TRPA1: variants seen among roughly 807,000 people sequenced by gnomAD.
TRPA1 encodes transient receptor potential cation channel subfamily A member 1.
TRPA1 carries 129 observed loss-of-function variants against 131.3 expected under a neutral mutation model. The ratio of observed to expected loss-of-function variants is 0.98; its 90% CI spans 0.85 to 1.14. The LOEUF is 1.14. TRPA1 is among the 50% of genes most tolerant of loss of function. The pLI is 0.00. For synonymous variants in TRPA1, 441 were observed against 451.7 expected (o/e 0.98, Z 0.30); for missense variants, 1,304 against 1,354.2 (o/e 0.96, Z 0.58).
rs769946735 is a variant in TRPA1, at chr8:72,023,005, A to G, written c.3261T>C (p.Phe1087=). The G allele has an allele frequency of 6.2e-7, 1 of 1,613,906 alleles. No homozygotes were observed. Among genetic ancestry groups the G allele is most frequent in the East Asian group, 2.2e-5 (1 of 44,878 alleles). The change falls in exon 27 of 27, where the codon TTT becomes TTC. Residue 1087 remains phenylalanine, a synonymous_variant. Transcript: ENST00000262209. ...ETEDDDSHCS[F]QDRFKKEQME... ...TCTGCTCTTTCTTAAACCTGTCTTGAAAAGAACAATGGCTATCATCATCCT... is the reference window on the plus strand; with the variant it reads ...TCTGCTCTTTCTTAAACCTGTCTTGGAAAGAACAATGGCTATCATCATCCT...
chr8:72,053,041 GA>G, intron 13 of TRPA1: 1 of 347,024 alleles, frequency 2.9e-6, no homozygotes, highest in Non-Finnish European at 5.4e-6. Context: ...GAGAGAGAGA[GA>G]GAATGAATTC....
intron 13 of TRPA1, 78 bp from the exon 14 acceptor site, chr8:72,052,843 G>T (rs1283079870): frequency 1.3e-6 from 2 of 1,522,746 alleles, no homozygotes; most frequent in African/African-American, 2.7e-5. Flanking sequence ...CTGCTTAAAA[G>T]ACATTAGCGA....
chr8:72,057,085 C>A, intron 9 of TRPA1, 68 bp from the exon 10 acceptor site: 1 of 1,279,450 alleles, frequency 7.8e-7, no homozygotes, highest in East Asian at 2.6e-5. Context: ...CGTGGATTTT[C>A]AACTTAGCAA....
In TRPA1 at chr8:72,075,296, T is replaced by G; in HGVS notation, c.111+3A>C. The G allele has an allele frequency of 6.2e-7, 1 of 1,611,168 alleles. No homozygotes were observed. The highest frequency in any genetic ancestry group is 1.3e-5 in the African/African-American group (1 of 74,742). ...CCTCCAGACCCGCGAGCCCCCAGAG[T>G]ACCTTAAGCGATTCCTTGAAATCCT... On this transcript the variant is annotated splice_donor_region_variant and intron_variant, in intron 1 of 26. Transcript: ENST00000262209.
intron 19 of TRPA1, 122 bp downstream of exon 19, chr8:72,038,743 A>G: frequency 1.2e-6 from 1 of 856,184 alleles, no homozygotes; most frequent in East Asian, 2.7e-5. Flanking sequence ...ACTGTATACA[A>G]ATTCTTACAG....
Position 72,025,955 on chromosome 8 carries a change from C to T in TRPA1, c.3051+5G>A, listed in dbSNP as rs1374141264. 3 of 1,606,486 alleles carry T rather than the reference C, an allele frequency of 1.9e-6. No homozygotes were observed. The highest frequency in any genetic ancestry group is 2.2e-5 in the South Asian group (2 of 90,858). The stretch of plus-strand genomic sequence containing the variant: ...CTGATGTTGTTATTTGTTATGTGTA[C>T]TTACGAATAACATCCCACCAGATCT... On this transcript the variant is annotated splice_donor_5th_base_variant and intron_variant, in intron 25 of 26. Transcript: ENST00000262209.
At chr8:72,055,023 G>A (rs1051097178) in intron 12 of TRPA1, 4 of 159,142 alleles carry the variant, frequency 2.5e-5, no homozygotes, top group African/African-American at 9.6e-5. Context: ...ATGAAAAGTA[G>A]AGTATTTGAA....
chr8:72,031,466 T>G (rs1167782642), intron 23 of TRPA1, among the ~76,000 whole-genome samples: 1 of 151,560 alleles, frequency 6.6e-6, no homozygotes, highest in Non-Finnish European at 1.5e-5. Context: ...TAGTTACAGC[T>G]TCTGGGTAGG....
At position 72,057,732 on chromosome 8, in the gene TRPA1, A is replaced by G; in HGVS notation, c.1078T>C (p.Leu360=). 1 of 1,613,754 alleles carries G rather than the reference A, an allele frequency of 6.2e-7. No individual in the cohort carries two copies. The highest frequency in any genetic ancestry group is 8.5e-7 in the Non-Finnish European group (1 of 1,179,756). ...CTCTTGGTACCTTTAGAGAGTAGCA[A>G]ATTTACAATATTCCAAGATGCAGAA... ...TASASWNIVN[L]LLSKGAQVDI... Residue 360 remains leucine (L), a synonymous_variant, in exon 9 of 27, where the codon TTG becomes CTG. Coordinates refer to ENST00000262209, the MANE Select transcript of TRPA1 (RefSeq NM_007332.3).
chr8:72,073,409 T>C (rs1489384327), intron 1 of TRPA1, among the ~76,000 whole-genome samples: 1 of 152,226 alleles, frequency 6.6e-6, no homozygotes, highest in African/African-American at 2.4e-5. Flanking sequence ...AGATACTGTG[T>C]ATGTGCTGGA....
Position 72,057,005 on chromosome 8 carries a change from T to C in TRPA1, c.1106A>G (p.Asp369Gly). The C allele has an allele frequency of 6.2e-7, 1 of 1,605,870 alleles. No homozygotes were observed. The highest frequency in any genetic ancestry group is 1.3e-5 in the African/African-American group (1 of 74,744). The change falls in exon 10 of 27, where the codon GAC becomes GGC. Residue 369 changes from aspartate to glycine, a missense_variant. Coordinates refer to ENST00000262209, the MANE Select transcript of TRPA1 (RefSeq NM_007332.3). ...ATTACGTCCAAAATTATCTTTTATG[T>C]CTACTTGGGCACCTAAAAAAAAACA... ...NLLLSKGAQVDIKDNFGRNFL... is the reference protein window; with the variant it reads ...NLLLSKGAQVGIKDNFGRNFL...
chr8:72,031,066 G>T (rs1811796164), intron 23 of TRPA1, among the ~76,000 whole-genome samples: 1 of 152,166 alleles, frequency 6.6e-6, no homozygotes, highest in African/African-American at 2.4e-5. Flanking sequence ...TCCACTGTAT[G>T]CCCAGTGCTT....
intron 24 of TRPA1, 42 bp from the exon 25 acceptor site, chr8:72,026,115 T>C: frequency 6.7e-7 from 1 of 1,495,802 alleles, no homozygotes; most frequent in Non-Finnish European, 9.3e-7. Context: ...CATTAGTTAG[T>C]ATATGGAATT....
At chr8:72,044,018 A>G (rs1233659702) in intron 17 of TRPA1, among the ~76,000 whole-genome samples, 1 of 151,864 alleles carries the variant, frequency 6.6e-6, no homozygotes, top group Non-Finnish European at 1.5e-5. Flanking sequence ...CTACTGTGAC[A>G]CCAACAATGG....
At chr8:72,047,027 A>G in intron 16 of TRPA1, 121 bp downstream of exon 16, 1 of 763,804 alleles carries the variant, frequency 1.3e-6, no homozygotes, top group Non-Finnish European at 2.2e-6. Flanking sequence ...ATACAATAAT[A>G]TGACAAATTA....
the TRPA1 span, among the ~76,000 whole-genome samples, chr8:72,085,747 G>C: frequency 6.6e-6 from 1 of 151,738 alleles, no homozygotes; most frequent in Non-Finnish European, 1.5e-5. Flanking sequence ...TATTTATATT[G>C]ATTGTGATCA....
the TRPA1 span, among the ~76,000 whole-genome samples, chr8:72,087,751 C>T: frequency 6.6e-6 from 1 of 152,080 alleles, no homozygotes; most frequent in Admixed American, 6.6e-5. Context: ...TAATGCCCTG[C>T]TTTGCTTGTC....
intron 14 of TRPA1, among the ~76,000 whole-genome samples, chr8:72,052,312 C>T (rs921387564): frequency 2.0e-5 from 3 of 152,194 alleles, no homozygotes; most frequent in African/African-American, 7.2e-5. Flanking sequence ...GTCCCAGCTA[C>T]TCAGGAGGCT....
intron 21 of TRPA1, among the ~76,000 whole-genome samples, chr8:72,035,617 C>G (rs187362393): frequency 6.6e-6 from 1 of 152,216 alleles, no homozygotes; most frequent in East Asian, 1.9e-4. Flanking sequence ...TACCAACTGT[C>G]AGAGGCCCGG....
Sources: gnomAD v4.1 joint callset for allele counts (sites outside exome capture counted in the v4.1 genomes callset) on GRCh38, gnomAD v4.1.1 for gene constraint, MANE v1.5 for transcripts, NCBI Gene and HGNC (gene_info 2026-07-23, HGNC 2026-07-21) for gene names.